Variants in SMAD1 observed in about 807,000 individuals in gnomAD.
SMAD1 encodes the protein MAD, mothers against decapentaplegic homolog 1.
In SMAD1, 6 loss-of-function variants were observed where a neutral mutation model predicts 41.6. The ratio of observed to expected loss-of-function variants is 0.14; its 90% CI spans 0.08 to 0.28. SMAD1 has a LOEUF of 0.28. Among genes scored for constraint, SMAD1 ranks in the 10% least tolerant of loss-of-function variants. SMAD1 has a pLI of 1.00. For missense variants in SMAD1, 379 were observed against 582.6 expected (o/e 0.65, Z 3.60); for synonymous variants, 206 against 203.2 (o/e 1.01, Z -0.12).
At chr4:145,535,613 A>G (rs985281898) in intron 2 of SMAD1, among the ~76,000 whole-genome samples, 1 of 152,192 alleles carries the variant, frequency 6.6e-6, no homozygotes, top group Non-Finnish European at 1.5e-5. Context: ...ATAAGAAAGC[A>G]TCCATTTATC....
intron 1 of SMAD1, among the ~76,000 whole-genome samples, chr4:145,487,339 A>G (rs978827248): frequency 1.3e-5 from 2 of 152,194 alleles, no homozygotes; most frequent in African/African-American, 2.4e-5. Context: ...GAGAAAAAGG[A>G]TAATTTAAAT....
intron 3 of SMAD1, among the ~76,000 whole-genome samples, chr4:145,540,847 G>T (rs1162508040): frequency 6.6e-6 from 1 of 151,936 alleles, no homozygotes; most frequent in African/African-American, 2.4e-5. Flanking sequence ...AAAATGACTG[G>T]GCAAGTGTGT....
At chr4:145,486,400 A>G (rs972986285) in intron 1 of SMAD1, among the ~76,000 whole-genome samples, 7 of 152,222 alleles carry the variant, frequency 4.6e-5, no homozygotes, top group Non-Finnish European at 1.0e-4. Flanking sequence ...TCTTACCAAA[A>G]TTAGTCTATC....
At chr4:145,493,326 C>G (rs142939457) in intron 1 of SMAD1, among the ~76,000 whole-genome samples, 220 of 152,300 alleles carry the variant, frequency 1.4e-3, no homozygotes, top group African/African-American at 5.1e-3. Flanking sequence ...AATTATACAG[C>G]TGGTTGCGTA....
chr4:145,556,984 G>A (rs1334533327), intron 6 of SMAD1, among the ~76,000 whole-genome samples: 1 of 152,148 alleles, frequency 6.6e-6, no homozygotes, highest in Non-Finnish European at 1.5e-5. Context: ...GGCCCCAGAT[G>A]TATTTCTTAA....
intron 5 of SMAD1, 77 bp downstream of exon 5, chr4:145,547,001 C>T (rs1472434278): frequency 8.7e-7 from 1 of 1,147,420 alleles, no homozygotes; most frequent in African/African-American, 1.5e-5. Flanking sequence ...TAAAATCATT[C>T]CTGTAACAAA....
At chr4:145,496,880 A>C (rs577077740) in intron 1 of SMAD1, among the ~76,000 whole-genome samples, 9 of 152,226 alleles carry the variant, frequency 5.9e-5, no homozygotes, top group Non-Finnish European at 1.0e-4. Context: ...TTTTCAAACT[A>C]GTATGTTTCA....
intron 1 of SMAD1, among the ~76,000 whole-genome samples, chr4:145,489,804 AAG>A (rs1728679296): frequency 1.3e-5 from 2 of 152,190 alleles, no homozygotes; most frequent in Non-Finnish European, 2.9e-5. Context: ...GACAACCACA[AAG>A]AGAGAAAGAA....
At chr4:145,511,477 G>T (rs1197402111) in intron 1 of SMAD1, among the ~76,000 whole-genome samples, 1 of 152,122 alleles carries the variant, frequency 6.6e-6, no homozygotes, top group African/African-American at 2.4e-5. Context: ...TTCCTGTGCT[G>T]CCCAGGCTAC....
intron 2 of SMAD1, among the ~76,000 whole-genome samples, chr4:145,533,598 C>T (rs144538958): frequency 0.014 from 2,087 of 152,024 alleles, 65 homozygotes; most frequent in African/African-American, 0.048. Context: ...GCAGGAGGAT[C>T]GCTTAAGCCC....
At chr4:145,515,582 A>G (rs757033544) in intron 2 of SMAD1, among the ~76,000 whole-genome samples, 9 of 152,178 alleles carry the variant, frequency 5.9e-5, no homozygotes, top group Non-Finnish European at 1.3e-4. Context: ...ATATCCTTCT[A>G]TGGAATCATT....
chr4:145,497,773 G>A (rs544044465), intron 1 of SMAD1: 33 of 152,328 alleles, frequency 2.2e-4, no homozygotes, highest in African/African-American at 7.9e-4. Context: ...GGTGATGCTT[G>A]CTTATATCTA....
chr4:145,492,184 G>A (rs914638041), intron 1 of SMAD1, among the ~76,000 whole-genome samples: 27 of 151,988 alleles, frequency 1.8e-4, no homozygotes, highest in African/African-American at 7.3e-5. Context: ...TGGGTTTTTC[G>A]CTACACACCA....
At chr4:145,536,459 C>T (rs901115017) in intron 2 of SMAD1, among the ~76,000 whole-genome samples, 6 of 152,128 alleles carry the variant, frequency 3.9e-5, no homozygotes, top group African/African-American at 1.4e-4. Flanking sequence ...CTAGCTTGAA[C>T]AGGCACCCAA....
At position 145,496,926 on chromosome 4, in the gene SMAD1, C is replaced by T. The variant is rs1729108950; in HGVS notation, c.-177+14888C>T. 2.0e-5 allele frequency: 3 copies of T among 152,098 alleles called. No individual in the cohort carries two copies. The South Asian group carries it at 6.2e-4, about 32-fold the overall frequency. 9.4% of individuals were successfully genotyped at this position (152,098 alleles called of 1,614,324 possible). A position where few individuals can be genotyped will look rare whatever the true frequency, so the allele number is the denominator to read the frequency against. Reference sequence around the variant, plus strand: ...AAAAGTCTGTTTTTTTGCCTATACTCTGAATTCCAAGAGAAAGAGTGATTT... The same window carrying T: ...AAAAGTCTGTTTTTTTGCCTATACTTTGAATTCCAAGAGAAAGAGTGATTT... On this transcript the variant is annotated intron_variant, in intron 1 of 6. Coordinates refer to ENST00000302085, the MANE Select transcript of SMAD1 (RefSeq NM_005900.3).
At chr4:145,498,924 T>A (rs1729258888) in intron 1 of SMAD1, among the ~76,000 whole-genome samples, 1 of 152,230 alleles carries the variant, frequency 6.6e-6, no homozygotes, top group African/African-American at 2.4e-5. Flanking sequence ...TTGTGTGTGT[T>A]CATCTGAGGG....
In SMAD1 at chr4:145,527,424, C is replaced by T. The variant is rs368492107; in HGVS notation, c.401-12380C>T. On this transcript the variant is annotated intron_variant, in intron 2 of 6. Transcript: ENST00000302085. ...ATTTTTAGTAGAGACGGGGTTTCAC[C>T]GTTTTAGCCGGGATGGTCTCGATCT... is the stretch of plus-strand genomic sequence containing the variant. Among the ~76,000 whole-genome samples the T allele has an allele frequency of 4.7e-4, 72 of 152,066 alleles. 2 individuals carry two copies. The South Asian group carries it at 0.011, about 24-fold the overall frequency.
Position 145,557,841 on chromosome 4 carries a change from G to C in SMAD1, c.1305G>C (p.Trp435Cys). Residue 435 changes from tryptophan (W) to cysteine (C), a missense_variant, in exon 7 of 7, where the codon TGG becomes TGC. By Grantham distance (215) the Trp-to-Cys change is radical. Around this residue, in one of 3 missense-constraint regions of SMAD1, gnomAD observed 107 missense variants for 218.3 expected, o/e 0.49. Transcript: ENST00000302085. ...AGGATGTTACTAGCACCCCCTGCTGGATTGAGATACATCTGCACGGCCCCC... is the reference window on the plus strand; with the variant it reads ...AGGATGTTACTAGCACCCCCTGCTGCATTGAGATACATCTGCACGGCCCCC... ...HRQDVTSTPC[W>C]IEIHLHGPLQ... The C allele has an allele frequency of 6.2e-7, 1 of 1,612,676 alleles. No individual in the cohort carries two copies. Among genetic ancestry groups the C allele is most frequent in the Non-Finnish European group, 8.5e-7 (1 of 1,179,068 alleles).
intron 3 of SMAD1, among the ~76,000 whole-genome samples, chr4:145,541,183 A>C (rs1731911652): frequency 1.3e-5 from 2 of 152,160 alleles, no homozygotes; most frequent in African/African-American, 2.4e-5. Context: ...ACTTTTGAGC[A>C]GTGGCAGCCC....
Sources: allele counts gnomAD v4.1 joint callset (sites outside exome capture counted in the v4.1 genomes callset), GRCh38; gene constraint gnomAD v4.1.1; regional missense constraint gnomAD v4.1.1; transcripts MANE v1.5; gene names NCBI Gene and HGNC (gene_info 2026-07-23, HGNC 2026-07-21).